TSKU: variants seen among roughly 807,000 people sequenced by gnomAD.
TSKU encodes tsukushi.
Under a neutral mutation model 11.2 loss-of-function variants are expected in TSKU, and 4 were observed. The ratio of observed to expected loss-of-function variants is 0.36; its 90% confidence interval spans 0.18 to 0.82. The LOEUF is 0.82. Among genes scored for constraint, TSKU ranks in the 40% least tolerant of loss-of-function variants. The pLI, the probability that TSKU is intolerant of heterozygous loss-of-function variation, is 0.50. For missense variants in TSKU, 407 were observed against 482.5 expected, an observed-to-expected ratio of 0.84 and a Z score of 1.47; for synonymous variants, 220 against 232.2, an observed-to-expected ratio of 0.95 and a Z score of 0.48.
chr11:76,790,140 G>A (rs1299413140), intron 1 of TSKU, among the ~76,000 whole-genome samples: 1 of 151,580 alleles, frequency 6.6e-6, no homozygotes, highest in Non-Finnish European at 1.5e-5. Flanking sequence ...TCTGGAGTTG[G>A]ATTATCTAAA....
chr11:76,790,346 G>T (rs1202463060), intron 1 of TSKU, among the ~76,000 whole-genome samples: 1 of 152,170 alleles, frequency 6.6e-6, no homozygotes, highest in Non-Finnish European at 1.5e-5. Context: ...TGTGGGGAGG[G>T]AAGTAGTCGG....
intron 1 of TSKU, among the ~76,000 whole-genome samples, chr11:76,784,643 G>T (rs538191437): frequency 6.6e-6 from 1 of 152,230 alleles, no homozygotes; most frequent in East Asian, 1.9e-4. Context: ...CCCACACTTG[G>T]CCTGGCGAGG....
intron 1 of TSKU, among the ~76,000 whole-genome samples, chr11:76,783,905 C>T (rs925446531): frequency 2.6e-5 from 4 of 151,902 alleles, no homozygotes; most frequent in South Asian, 2.1e-4. Context: ...CGCCGCCCCA[C>T]CCCCCCGCTC....
Position 76,795,979 on chromosome 11 carries a change from A to G in TSKU, c.363A>G (p.Thr121=). The G allele has an allele frequency of 6.2e-7, 1 of 1,613,824 alleles. No homozygotes were observed. Among genetic ancestry groups the G allele is most frequent in the Non-Finnish European group, 8.5e-7 (1 of 1,180,000 alleles). Residue 121 remains threonine, a synonymous_variant, in exon 2 of 2, where the codon ACA becomes ACG. Transcript: ENST00000333090. ...TTGACCTCAGCCACAATGGCCTGAC[A>G]GCCCTGCCAGCCGAGAGCTTCACCA... The part of the protein sequence containing the change: ...ESLDLSHNGL[T]ALPAESFTSS...
At chr11:76,788,843 C>T (rs747257438) in intron 1 of TSKU, among the ~76,000 whole-genome samples, 32 of 152,298 alleles carry the variant, frequency 2.1e-4, no homozygotes, top group African/African-American at 2.4e-4. Context: ...GGCAGGGCAC[C>T]GCCCCAAGCT....
chr11:76,795,511 G>A (rs1944426809), intron 1 of TSKU, 98 bp from the exon 2 acceptor site: 1 of 1,439,942 alleles, frequency 6.9e-7, no homozygotes, highest in Non-Finnish European at 9.4e-7. Context: ...GTCGGGGTCT[G>A]TGACACCTTC....
At chr11:76,795,011 CAG>C (rs1297004776) in intron 1 of TSKU, among the ~76,000 whole-genome samples, 7 of 152,200 alleles carry the variant, frequency 4.6e-5, no homozygotes, top group African/African-American at 9.7e-5. Flanking sequence ...TTTGGTAAAA[CAG>C]AGAATTTTCT....
intron 1 of TSKU, among the ~76,000 whole-genome samples, chr11:76,785,200 G>A (rs1944299870): frequency 6.6e-6 from 1 of 152,240 alleles, no homozygotes; most frequent in Non-Finnish European, 1.5e-5. Context: ...AGGGAAGGGA[G>A]GGGGATTGAC....
intron 1 of TSKU, among the ~76,000 whole-genome samples, chr11:76,788,043 G>A (rs527814691): frequency 6.6e-6 from 1 of 152,210 alleles, no homozygotes; most frequent in Non-Finnish European, 1.5e-5. Flanking sequence ...GGCTCCGGGA[G>A]TCTGGCCTTG....
chr11:76,796,546 G>A lies in TSKU; in HGVS notation c.930G>A (p.Val310=). ...TCCCGGCACTGCAGAGCGTCAGCGT[G>A]GGCCAGGATGTGCGGTGCCGGCGCC... is the stretch of plus-strand genomic sequence containing the variant. The part of the protein sequence containing the change: ...LHLPALQSVS[V]GQDVRCRRLV... Residue 310 remains valine (V), a synonymous_variant, in exon 2 of 2, where the codon GTG becomes GTA. Coordinates refer to ENST00000333090, the MANE Select transcript of TSKU (RefSeq NM_015516.4). The surrounding 1 kb of genome is among the most constrained non-coding windows in gnomAD (Gnocchi z 4.1). 6.2e-7 allele frequency: 1 copy of A among 1,600,506 alleles called. No homozygotes were observed. Among genetic ancestry groups the A allele is most frequent in the Non-Finnish European group, 8.5e-7 (1 of 1,172,482 alleles).
Position 76,795,635 on chromosome 11 carries a change from C to A in TSKU, c.19C>A (p.Leu7Met), listed in dbSNP as rs776614543. The change falls in exon 2 of 2, where the codon CTG becomes ATG. Residue 7 changes from leucine to methionine, a missense_variant. Coordinates refer to ENST00000333090, the MANE Select transcript of TSKU (RefSeq NM_015516.4). MPWPLL[L>M]LLAVSGAQTT... ...CCCCACCATGCCGTGGCCCCTGCTG[C>A]TGCTGCTGGCCGTGAGTGGGGCCCA... The A allele has an allele frequency of 1.2e-6, 2 of 1,612,232 alleles. No individual in the cohort carries two copies. The highest frequency in any genetic ancestry group is 3.3e-5 in the Admixed American group (2 of 60,022).
At chr11:76,793,641 C>T (rs999372041) in intron 1 of TSKU, among the ~76,000 whole-genome samples, 5 of 152,194 alleles carry the variant, frequency 3.3e-5, no homozygotes, top group Non-Finnish European at 4.4e-5. Context: ...ATGAGCCCTG[C>T]GGTGAGGAGC....
At chr11:76,784,739 C>G (rs1944291201) in intron 1 of TSKU, among the ~76,000 whole-genome samples, 1 of 86,576 alleles carries the variant, frequency 1.2e-5, no homozygotes, top group African/African-American at 7.8e-5. Context: ...CTGGGGCTGA[C>G]CGGAGGTGGG....
rs1384045838 is a variant in TSKU, at chr11:76,797,236, A to G, written c.*558A>G. 6.0e-6 allele frequency: 1 copy of G among 167,180 alleles called. No homozygotes were observed. The highest frequency in any genetic ancestry group is 2.4e-5 in the African/African-American group (1 of 41,470). 10.4% of individuals were successfully genotyped at this position (167,180 alleles called of 1,614,324 possible). ...CACCCTTCTCATGTGACAGATGGGG[A>G]AACTGAGGCCTTGAGAAGGAAAAAG... On this transcript the variant is annotated 3_prime_UTR_variant, in exon 2 of 2. Transcript: ENST00000333090.
upstream of TSKU, chr11:76,783,239 C>G (rs1276758950): frequency 6.6e-6 from 1 of 150,822 alleles, no homozygotes; most frequent in Non-Finnish European, 1.5e-5. Flanking sequence ...CCTGAGCCGC[C>G]CCGCGGCCGG....
rs1944443577 is a variant in TSKU, at chr11:76,796,123, T to C, written c.507T>C (p.Ile169=). Residue 169 remains isoleucine, a synonymous_variant, in exon 2 of 2, where the codon ATT becomes ATC. Transcript: ENST00000333090. The surrounding 1 kb of genome is among the most constrained non-coding windows in gnomAD (Gnocchi z 4.1). Reference sequence around the variant, plus strand: ...ACGTGGACCTCTCCCACAACCTCATTCACCGCCTCGTGCCCCACCCCACGA... The same window carrying C: ...ACGTGGACCTCTCCCACAACCTCATCCACCGCCTCGTGCCCCACCCCACGA... ...ALHVDLSHNL[I]HRLVPHPTRA... is the part of the protein sequence containing the mutation. The C allele has an allele frequency of 6.2e-7, 1 of 1,613,666 alleles. No homozygotes were observed.
chr11:76,790,585 G>C (rs763660431), intron 1 of TSKU, among the ~76,000 whole-genome samples: 40 of 152,292 alleles, frequency 2.6e-4, no homozygotes, highest in Middle Eastern at 3.4e-3. Context: ...TTGTGGGAGG[G>C]ACCCAGTGGG....
intron 1 of TSKU, among the ~76,000 whole-genome samples, chr11:76,794,776 G>C (rs1349012388): frequency 6.6e-6 from 1 of 152,232 alleles, no homozygotes; most frequent in Non-Finnish European, 1.5e-5. Context: ...TGCCCAATGA[G>C]AAGGGAAGTT....
Position 76,795,605 on chromosome 11 carries a change from C to T in TSKU, c.-8-4C>T. 1 of 1,606,140 alleles carries T rather than the reference C, an allele frequency of 6.2e-7. No individual in the cohort carries two copies. Among genetic ancestry groups the T allele is most frequent in the Non-Finnish European group, 8.5e-7 (1 of 1,179,150 alleles). ...TCATTCCTCACCTGTGGCTCTCTTTCTAGCCCCCACCATGCCGTGGCCCCT... is the reference window on the plus strand; with the variant it reads ...TCATTCCTCACCTGTGGCTCTCTTTTTAGCCCCCACCATGCCGTGGCCCCT... On this transcript the variant is annotated splice_region_variant and splice_polypyrimidine_tract_variant and intron_variant, in intron 1 of 1. Coordinates refer to ENST00000333090, the MANE Select transcript of TSKU (RefSeq NM_015516.4).
Sources: gnomAD v4.1 joint callset for allele counts (sites outside exome capture counted in the v4.1 genomes callset) on GRCh38, gnomAD v4.1.1 for gene constraint, Gnocchi (gnomAD v3.1) non-coding constraint, MANE v1.5 for transcripts, NCBI Gene and HGNC (gene_info 2026-07-23, HGNC 2026-07-21) for gene names.